Variants in IKZF3 observed in about 807,000 individuals in gnomAD.
IKZF3 encodes the protein zinc finger protein Aiolos.
Under a neutral mutation model 49.0 loss-of-function variants are expected in IKZF3, and 10 were observed. The observed-to-expected ratio is 0.20, with a 90% CI of 0.13 to 0.35. IKZF3 has a LOEUF of 0.35. Ranked by LOEUF, IKZF3 falls within the 10% of genes least tolerant of loss-of-function variation. The pLI is 1.00. For missense variants in IKZF3, 498 were observed against 664.8 expected (o/e 0.75, Z 2.76); for synonymous variants, 209 against 228.2 (o/e 0.92, Z 0.76).
At chr17:39,816,497 A>T (rs2061681088) in intron 3 of IKZF3, among the ~76,000 whole-genome samples, 1 of 152,216 alleles carries the variant, frequency 6.6e-6, no homozygotes, top group African/African-American at 2.4e-5. Context: ...ACATTCATTT[A>T]TGTATCTTCT....
chr17:39,778,198 CTGTT>C, intron 6 of IKZF3: 1 of 986,758 alleles, frequency 1.0e-6, no homozygotes, highest in Non-Finnish European at 1.2e-6. Flanking sequence ...ATTTACTGCT[CTGTT>C]TATGTTAACA....
At chr17:39,841,310 G>A (rs1379131713) in intron 1 of IKZF3, among the ~76,000 whole-genome samples, 1 of 152,074 alleles carries the variant, frequency 6.6e-6, no homozygotes, top group Admixed American at 6.6e-5. Context: ...GGAATGAAGA[G>A]GGGAATGAAG....
rs1491341504 is a variant in IKZF3, at chr17:39,761,580, A to ATAT, written c.*4209_*4210insATA. ...TATACATACATATATATACATATAC[A>ATAT]AAAAAAATAAAAATAAATTAAAAAA... On this transcript the variant is annotated 3_prime_UTR_variant, in exon 8 of 8. Coordinates refer to ENST00000346872, the MANE Select transcript of IKZF3 (RefSeq NM_012481.5). 1 of 151,102 alleles carries ATAT rather than the reference A, an allele frequency of 6.6e-6. No homozygotes were observed. Among genetic ancestry groups the ATAT allele is most frequent in the African/African-American group, 2.4e-5 (1 of 40,970 alleles). 9.4% of individuals were successfully genotyped at this position (151,102 alleles called of 1,614,324 possible).
chr17:39,832,019 C>T (rs2062122030), intron 2 of IKZF3, 79 bp downstream of exon 2: 1 of 1,043,004 alleles, frequency 9.6e-7, no homozygotes, highest in Non-Finnish European at 1.5e-6. Context: ...TTTACTGCAA[C>T]CAGAATAAGC....
chr17:39,782,374 C>T (rs916465552), intron 6 of IKZF3, among the ~76,000 whole-genome samples: 4 of 151,942 alleles, frequency 2.6e-5, no homozygotes, highest in Non-Finnish European at 1.5e-5. Flanking sequence ...GTGTGAGGAA[C>T]ACAGTGAGCC....
At chr17:39,814,085 C>T (rs1171099788) in intron 3 of IKZF3, among the ~76,000 whole-genome samples, 1 of 152,104 alleles carries the variant, frequency 6.6e-6, no homozygotes, top group Non-Finnish European at 1.5e-5. Context: ...TTCTAAGCAC[C>T]AAAGAGTTGT....
intron 7 of IKZF3, among the ~76,000 whole-genome samples, chr17:39,775,475 T>C (rs1202671149): frequency 6.6e-6 from 1 of 152,212 alleles, no homozygotes; most frequent in East Asian, 1.9e-4. Flanking sequence ...ATATGAAACA[T>C]GCTATATTTT....
intron 3 of IKZF3, among the ~76,000 whole-genome samples, chr17:39,825,031 T>C (rs1253894128): frequency 6.6e-6 from 1 of 152,208 alleles, no homozygotes; most frequent in African/African-American, 2.4e-5. Context: ...GGCATTTCCC[T>C]GCTGGCACTC....
intron 1 of IKZF3, among the ~76,000 whole-genome samples, chr17:39,847,498 A>T (rs547774048): frequency 1.3e-5 from 2 of 152,248 alleles, no homozygotes; most frequent in Non-Finnish European, 2.9e-5. Flanking sequence ...AATGTAGCTG[A>T]ACTCAAATTT....
intron 1 of IKZF3, among the ~76,000 whole-genome samples, chr17:39,853,119 G>A (rs549190104): frequency 6.6e-6 from 1 of 152,166 alleles, no homozygotes; most frequent in East Asian, 1.9e-4. Context: ...TTCCTTCATA[G>A]CACTTAGCAT....
In IKZF3 at chr17:39,832,085, G is replaced by T; in HGVS notation, c.61+13C>A. On this transcript the variant is annotated intron_variant, in intron 2 of 7. Transcript: ENST00000346872. ...TAAAGGTATATTTCCAGAGAGGAAA[G>T]ACCTGATGTTACCTGCGGGCACAGA... 1 of 1,598,414 alleles carries T rather than the reference G, an allele frequency of 6.3e-7. No individual in the cohort carries two copies. Among genetic ancestry groups the T allele is most frequent in the Non-Finnish European group, 8.6e-7 (1 of 1,166,990 alleles).
At chr17:39,854,669 T>C (rs940445156) in intron 1 of IKZF3, among the ~76,000 whole-genome samples, 3 of 152,192 alleles carry the variant, frequency 2.0e-5, no homozygotes, top group Non-Finnish European at 2.9e-5. Context: ...AGGATTTCAG[T>C]TGGCATGATT....
Position 39,835,246 on chromosome 17 carries a change from T to C in IKZF3, c.8-3095A>G, listed in dbSNP as rs977462675. 30 of 539,380 alleles carry C rather than the reference T, an allele frequency of 5.6e-5. No individual in the cohort carries two copies. In the Admixed American group the frequency reaches 5.9e-4, roughly 11 times the overall value. 33.4% of individuals were successfully genotyped at this position (539,380 alleles called of 1,614,324 possible). The stretch of plus-strand genomic sequence containing the variant: ...TTGCCCTCCAGCAACTTCCTGTAGG[T>C]GGCGATCTCAATGTCCAGGGCCAGC... On this transcript the variant is annotated intron_variant, in intron 1 of 7. Coordinates refer to ENST00000346872, the MANE Select transcript of IKZF3 (RefSeq NM_012481.5).
intron 3 of IKZF3, among the ~76,000 whole-genome samples, chr17:39,802,734 C>T: frequency 6.7e-6 from 1 of 150,024 alleles, no homozygotes; most frequent in East Asian, 2.0e-4. Context: ...AAGGGAGGAT[C>T]ACCTGAGCCT....
chr17:39,807,340 T>C (rs1437941947), intron 3 of IKZF3, among the ~76,000 whole-genome samples: 3 of 151,768 alleles, frequency 2.0e-5, no homozygotes, highest in Non-Finnish European at 4.4e-5. Context: ...ATGCAAACAA[T>C]TGAATGTCCA....
At position 39,758,986 on chromosome 17, in the gene IKZF3, A is replaced by G. The variant is rs550198457; in HGVS notation, c.*6804T>C. The G allele has an allele frequency of 1.3e-5, 2 of 151,646 alleles. No homozygotes were observed. Among genetic ancestry groups the G allele is most frequent in the East Asian group, 3.9e-4 (2 of 5,178 alleles). The allele number at this position is 151,646 out of a possible 1,614,324, so 9.4% of individuals were successfully genotyped here. On this transcript the variant is annotated 3_prime_UTR_variant, in exon 8 of 8. Coordinates refer to ENST00000346872, the MANE Select transcript of IKZF3 (RefSeq NM_012481.5). ...CATTAGCTCATATACAAAATCATGG[A>G]AAACCTCACAACATCCTTGGAAGGT...
At chr17:39,846,152 A>G (rs1007492778) in intron 1 of IKZF3, among the ~76,000 whole-genome samples, 13 of 152,306 alleles carry the variant, frequency 8.5e-5, no homozygotes, top group African/African-American at 3.1e-4. Context: ...GTTTAATTAA[A>G]ACATAAGTGT....
Position 39,864,247 on chromosome 17 carries a change from ATCCGGCAGCCGC to A in IKZF3, c.-133_-122del, listed in dbSNP as rs2063300200. On this transcript the variant is annotated 5_prime_UTR_variant, in exon 1 of 8. Coordinates refer to ENST00000346872, the MANE Select transcript of IKZF3 (RefSeq NM_012481.5). Reference sequence around the variant, plus strand: ...ATTCCCGGCGCGGGGAGTCCCCGGGATCCGGCAGCCGCGTCGGCGCAGACTGAAAAGGGCAGG... The same window carrying A: ...ATTCCCGGCGCGGGGAGTCCCCGGGAGTCGGCGCAGACTGAAAAGGGCAGG... 2 of 1,194,494 alleles carry A rather than the reference ATCCGGCAGCCGC, an allele frequency of 1.7e-6. No individual in the cohort carries two copies. The highest frequency in any genetic ancestry group is 1.2e-6 in the Non-Finnish European group (1 of 850,436). 74.0% of individuals were successfully genotyped at this position (1,194,494 alleles called of 1,614,324 possible).
intron 3 of IKZF3, among the ~76,000 whole-genome samples, chr17:39,794,698 T>C (rs746247625): frequency 6.6e-6 from 1 of 152,264 alleles, no homozygotes; most frequent in Admixed American, 6.5e-5. Context: ...ATCTGGATTA[T>C]ATAAGAAATG....
Sources: allele counts gnomAD v4.1 joint callset (sites outside exome capture counted in the v4.1 genomes callset), GRCh38; gene constraint gnomAD v4.1.1; transcripts MANE v1.5; gene names NCBI Gene and HGNC (gene_info 2026-07-23, HGNC 2026-07-21).